The following HEG1 variants were observed in gnomAD, a reference collection of about 807,000 sequenced individuals.
HEG1 encodes the protein protein HEG homolog 1.
HEG1 carries 56 observed loss-of-function variants against 125.6 expected under a neutral mutation model. That is an observed-to-expected ratio of 0.45 (90% CI 0.36 to 0.56). The LOEUF is 0.56. Among genes scored for constraint, HEG1 ranks in the 20% least tolerant of loss-of-function variants. The probability of loss-of-function intolerance (pLI) is 0.00; values close to 1 mark genes in which losing one functional copy is unlikely to be tolerated. For missense variants in HEG1, 1,523 were observed against 1,670.0 expected, an observed-to-expected ratio of 0.91 and a Z score of 1.53; for synonymous variants, 644 against 668.5, an observed-to-expected ratio of 0.96 and a Z score of 0.57.
At chr3:125,031,924 T>C (rs1241605734) in intron 1 of HEG1, among the ~76,000 whole-genome samples, 3 of 152,186 alleles carry the variant, frequency 2.0e-5, no homozygotes, top group Non-Finnish European at 4.4e-5. Flanking sequence ...GTGTACACTT[T>C]AAATTTTCTA....
At chr3:125,036,708 A>G (rs2107710455) in intron 1 of HEG1, among the ~76,000 whole-genome samples, 1 of 152,364 alleles carries the variant, frequency 6.6e-6, no homozygotes, top group Admixed American at 6.5e-5. Flanking sequence ...AAATACATGA[A>G]AGCATTGTTG....
At chr3:124,996,783 T>C (rs1936929172) in intron 12 of HEG1, among the ~76,000 whole-genome samples, 1 of 152,144 alleles carries the variant, frequency 6.6e-6, no homozygotes, top group South Asian at 2.1e-4. Flanking sequence ...TCCAGTAACA[T>C]CCATTGACAT....
rs144358429 is a variant in HEG1 at position 125,029,865 on chromosome 3, C to A, written c.317-377G>T. Among the ~76,000 whole-genome samples, 108 of 152,370 alleles carry A rather than the reference C, an allele frequency of 7.1e-4. No individual in the cohort carries two copies. The East Asian group carries it at 0.019, about 27-fold the overall frequency. ...CAAGAACGTGCCATTGCACTCCAGC[C>A]TGGGCAACAAGAGTGAAACTCCATC... On this transcript the variant is annotated intron_variant, in intron 1 of 16. Coordinates refer to ENST00000311127, the MANE Select transcript of HEG1 (RefSeq NM_020733.2).
At chr3:125,006,902 A>G (rs1560023075) in intron 8 of HEG1, among the ~76,000 whole-genome samples, 2 of 152,218 alleles carry the variant, frequency 1.3e-5, no homozygotes, top group Admixed American at 6.5e-5. Flanking sequence ...CTCTCTGTAT[A>G]GAAATTCACA....
chr3:124,984,821 A>G (rs1289487465), intron 14 of HEG1, among the ~76,000 whole-genome samples: 1 of 152,170 alleles, frequency 6.6e-6, no homozygotes, highest in Non-Finnish European at 1.5e-5. Context: ...AAAAAACAGA[A>G]GAATGGCTTA....
chr3:125,039,287 G>A (rs1937572992), intron 1 of HEG1, among the ~76,000 whole-genome samples: 1 of 152,086 alleles, frequency 6.6e-6, no homozygotes, highest in African/African-American at 2.4e-5. Context: ...CCCAAGAATA[G>A]GATTTCCTAA....
At chr3:124,996,178 G>C (rs902750482) in intron 12 of HEG1, among the ~76,000 whole-genome samples, 1 of 151,858 alleles carries the variant, frequency 6.6e-6, no homozygotes, top group East Asian at 1.9e-4. Flanking sequence ...TCCACTCCCC[G>C]GGTTCAAGCG....
intron 14 of HEG1, among the ~76,000 whole-genome samples, chr3:124,990,089 G>C (rs1349095999): frequency 6.6e-6 from 1 of 152,110 alleles, no homozygotes; most frequent in Non-Finnish European, 1.5e-5. Flanking sequence ...ATACCCGCCA[G>C]TCTAAATCTT....
At chr3:125,030,973 T>A (rs1385541850) in intron 1 of HEG1, among the ~76,000 whole-genome samples, 3 of 152,210 alleles carry the variant, frequency 2.0e-5, no homozygotes, top group African/African-American at 7.2e-5. Flanking sequence ...TAGGAATATA[T>A]TTATATTAGT....
At chr3:124,979,760 C>T (rs79282701) in intron 14 of HEG1, among the ~76,000 whole-genome samples, 10,649 of 152,152 alleles carry the variant, frequency 0.07, 433 homozygotes, top group East Asian at 0.16. Flanking sequence ...GGTGAAACCC[C>T]GTTTCTACTA....
At chr3:124,975,288 T>A (rs1468698161) in intron 15 of HEG1, among the ~76,000 whole-genome samples, 1 of 152,202 alleles carries the variant, frequency 6.6e-6, no homozygotes, top group Non-Finnish European at 1.5e-5. Context: ...GTTCCCCCCA[T>A]CTGTTACATC....
rs1936342797 is a variant in HEG1, at chr3:124,967,696, A to G, written c.*2956T>C. ...GTTTCAGTCCTGCTTCTACAGGGCA[A>G]GCTATTTATCCTCTCTGAAGGTTTC... On this transcript the variant is annotated 3_prime_UTR_variant, in exon 17 of 17. Transcript: ENST00000311127. 6.6e-6 allele frequency: 1 copy of G among 152,102 alleles called. No individual in the cohort carries two copies. Among genetic ancestry groups the G allele is most frequent in the Non-Finnish European group, 1.5e-5 (1 of 68,058 alleles). 9.4% of individuals were successfully genotyped at this position (152,102 alleles called of 1,614,324 possible). A position where few individuals can be genotyped will look rare whatever the true frequency, so the allele number is the denominator to read the frequency against.
At chr3:125,024,518 A>T (rs958528233) in intron 3 of HEG1, among the ~76,000 whole-genome samples, 1 of 152,366 alleles carries the variant, frequency 6.6e-6, no homozygotes, top group East Asian at 1.9e-4. Context: ...GGTCATTATT[A>T]AAAAATATGG....
At chr3:125,015,650 G>C (rs1312819892) in intron 5 of HEG1, among the ~76,000 whole-genome samples, 1 of 152,152 alleles carries the variant, frequency 6.6e-6, no homozygotes, top group Non-Finnish European at 1.5e-5. Flanking sequence ...TTTTGGGTAT[G>C]TGTTTATGCT....
At position 125,055,722 on chromosome 3, in the gene HEG1, C is replaced by T; in HGVS notation, c.169G>A (p.Glu57Lys). The T allele has an allele frequency of 9.5e-7, 1 of 1,053,800 alleles. No homozygotes were observed. The highest frequency in any genetic ancestry group is 4.4e-5 in the South Asian group (1 of 22,810). 65.3% of individuals were successfully genotyped at this position (1,053,800 alleles called of 1,614,324 possible). ...LAGAGLELQLERRPEREPPPT... is the reference protein window; with the variant it reads ...LAGAGLELQLKRRPEREPPPT... Reference sequence around the variant, plus strand: ...GGCGGCTCGCGCTCCGGGCGGCGCTCCAGCTGCAGCTCCAGCCCCGCTCCC... The same window carrying T: ...GGCGGCTCGCGCTCCGGGCGGCGCTTCAGCTGCAGCTCCAGCCCCGCTCCC... The change falls in exon 1 of 17, where the codon GAG (glutamate) becomes AAG (lysine). Residue 57 changes from glutamate to lysine, a missense_variant. Physicochemically the swap from Glu to Lys is moderately conservative, Grantham distance 56 (BLOSUM62 1). Coordinates refer to ENST00000311127, the MANE Select transcript of HEG1 (RefSeq NM_020733.2).
At chr3:125,009,974 G>C (rs990322423) in intron 7 of HEG1, 150 bp from the exon 8 acceptor site, 1 of 744,738 alleles carries the variant, frequency 1.3e-6, no homozygotes, top group African/African-American at 1.8e-5. Flanking sequence ...CCCTCAAGGG[G>C]CTTGCCATCT....
chr3:124,979,188 G>A (rs1283217898), intron 14 of HEG1, among the ~76,000 whole-genome samples: 1 of 152,070 alleles, frequency 6.6e-6, no homozygotes, highest in Non-Finnish European at 1.5e-5. Context: ...CTAACCTCAG[G>A]TGGTCCACCA....
chr3:125,007,424 G>T (rs375583088), intron 8 of HEG1, among the ~76,000 whole-genome samples: 15 of 152,152 alleles, frequency 9.9e-5, no homozygotes, highest in African/African-American at 2.9e-4. Flanking sequence ...TTAAGTAGAA[G>T]TTTTACTTCC....
At chr3:124,982,180 G>T (rs1206455040) in intron 14 of HEG1, among the ~76,000 whole-genome samples, 1 of 152,184 alleles carries the variant, frequency 6.6e-6, no homozygotes, top group Non-Finnish European at 1.5e-5. Flanking sequence ...GATTACAGGC[G>T]TGAGCCACTA....
Sources: allele counts gnomAD v4.1 joint callset (sites outside exome capture counted in the v4.1 genomes callset), GRCh38; gene constraint gnomAD v4.1.1; transcripts MANE v1.5; gene names NCBI Gene and HGNC (gene_info 2026-07-23, HGNC 2026-07-21).